Variants in UBA2 observed in about 807,000 individuals in gnomAD.
UBA2 encodes the protein SUMO-activating enzyme subunit 2.
UBA2 carries 11 observed loss-of-function variants against 77.2 expected under a neutral mutation model. That is an observed-to-expected ratio of 0.14 (90% CI 0.09 to 0.24). The LOEUF is 0.24. Among genes scored for constraint, UBA2 ranks in the 10% least tolerant of loss-of-function variants. The pLI is 1.00. For missense variants in UBA2, 487 were observed against 781.7 expected (o/e 0.62, Z 4.50); for synonymous variants, 278 against 276.7 (o/e 1.00, Z -0.05).
At chr19:34,431,234 A>ATTTTC (rs2075249909) in intron 2 of UBA2, among the ~76,000 whole-genome samples, 23 of 70,556 alleles carry the variant, frequency 3.3e-4, no homozygotes, top group Admixed American at 6.5e-4. Flanking sequence ...TTTTCCTATC[A>ATTTTC]TTTTCTTTTC....
chr19:34,460,622 C>G, intron 14 of UBA2, 56 bp downstream of exon 14: 1 of 1,246,804 alleles, frequency 8.0e-7, no homozygotes, highest in South Asian at 1.4e-5. Context: ...TTGAAGAGTG[C>G]ACATTAGTTG....
chr19:34,449,303 C>T (rs1256440896), intron 8 of UBA2, among the ~76,000 whole-genome samples: 1 of 139,774 alleles, frequency 7.2e-6, no homozygotes, highest in Non-Finnish European at 1.6e-5. Flanking sequence ...CTCTTGACTT[C>T]GTGATCCACC....
intron 15 of UBA2, 146 bp downstream of exon 15, chr19:34,464,277 C>A: frequency 1.7e-6 from 1 of 588,240 alleles, no homozygotes; most frequent in Admixed American, 3.0e-5. Flanking sequence ...TCACTGAGTT[C>A]CGTGATGTTT....
Position 34,434,984 on chromosome 19 carries a change from A to G in UBA2, c.459+16A>G, listed in dbSNP as rs2075293152. On this transcript the variant is annotated intron_variant, in intron 5 of 16. Coordinates refer to ENST00000246548, the MANE Select transcript of UBA2 (RefSeq NM_005499.3). Reference sequence around the variant, plus strand: ...TATCAAAAAGGTAAAGAAAAGTTTTATTTTTTTAACTTCCCAAATATTTAT... The same window carrying G: ...TATCAAAAAGGTAAAGAAAAGTTTTGTTTTTTTAACTTCCCAAATATTTAT... 1 of 1,535,330 alleles carries G rather than the reference A, an allele frequency of 6.5e-7. No homozygotes were observed. Among genetic ancestry groups the G allele is most frequent in the Non-Finnish European group, 8.9e-7 (1 of 1,123,900 alleles).
In UBA2 at chr19:34,457,178, AAATATATATATATATAT is replaced by A. The variant is rs1352229678; in HGVS notation, c.1246-1589_1246-1573del. ...ACCTGGTCTCTACTAAAAAAAAAAA[AAATATATATATATATAT>A]ATATATATATATATATATAAAATTA... On this transcript the variant is annotated intron_variant, in intron 12 of 16. Transcript: ENST00000246548. Among the ~76,000 whole-genome samples the A allele has an allele frequency of 2.3e-3, 204 of 89,742 alleles. 6 individuals are homozygous for A. The highest frequency in any genetic ancestry group is 0.01 in the African/African-American group (188 of 18,328). 58.9% of individuals were successfully genotyped at this position (89,742 alleles called of 152,430 possible). A position where few individuals can be genotyped will look rare whatever the true frequency, so the allele number is the denominator to read the frequency against.
intron 3 of UBA2, 95 bp from the exon 4 acceptor site, chr19:34,433,253 C>A: frequency 1.2e-6 from 1 of 849,732 alleles, no homozygotes; most frequent in Non-Finnish European, 1.9e-6. Context: ...GTTTTGTTTA[C>A]AGTTACTATG....
chr19:34,431,711 C>T (rs1346040265), intron 2 of UBA2, 150 bp from the exon 3 acceptor site: 2 of 667,062 alleles, frequency 3.0e-6, no homozygotes, highest in Admixed American at 2.6e-5. Context: ...TAGCTTAACC[C>T]TAATGCAATT....
intron 14 of UBA2, 78 bp downstream of exon 14, chr19:34,460,644 G>A (rs913992577): frequency 2.7e-5 from 28 of 1,046,196 alleles, no homozygotes; most frequent in Middle Eastern, 4.2e-4. Flanking sequence ...TTCATTTACT[G>A]TATGTGATAC....
At chr19:34,444,232 A>T (rs910677571) in intron 7 of UBA2, among the ~76,000 whole-genome samples, 3 of 151,618 alleles carry the variant, frequency 2.0e-5, no homozygotes, top group Non-Finnish European at 1.5e-5. Flanking sequence ...TAATTTTTGT[A>T]TATTTAGTAG....
chr19:34,469,874 G>A lies in UBA2; in HGVS notation c.*653G>A, dbSNP rs1273386722. ...ACTATACTTATGGACCAAATAAATG[G>A]CATCTGCATTCTTGTTACACATGCC... On this transcript the variant is annotated 3_prime_UTR_variant, in exon 17 of 17. Coordinates refer to ENST00000246548, the MANE Select transcript of UBA2 (RefSeq NM_005499.3). 6.6e-6 allele frequency: 1 copy of A among 152,464 alleles called. No homozygotes were observed. The allele number at this position is 152,464 out of a possible 1,614,324, so 9.4% of individuals were successfully genotyped here.
rs760350191 is a variant in UBA2 at position 34,466,891 on chromosome 19, A to G, written c.1618A>G (p.Lys540Glu). 1 of 1,612,910 alleles carries G rather than the reference A, an allele frequency of 6.2e-7. No homozygotes were observed. ...INILHSEDLG[K>E]DVEFEVVGDA... Reference sequence around the variant, plus strand: ...ATTCTCCTACAGTGAAGACCTAGGAAAGGACGTTGAATTTGAAGTTGTTGG... The same window carrying G: ...ATTCTCCTACAGTGAAGACCTAGGAGAGGACGTTGAATTTGAAGTTGTTGG... The change falls in exon 16 of 17, where the codon AAG becomes GAG. Residue 540 changes from lysine to glutamate, a missense_variant. By Grantham distance (56) the Lys-to-Glu change is moderately conservative. Around this residue, in one of 9 missense-constraint regions of UBA2, gnomAD observed 300 missense variants for 454.3 expected, o/e 0.66. Transcript: ENST00000246548.
intron 16 of UBA2, among the ~76,000 whole-genome samples, chr19:34,467,330 C>T (rs1252407439): frequency 1.3e-5 from 2 of 151,796 alleles, no homozygotes; most frequent in South Asian, 2.1e-4. Flanking sequence ...AAATTAACCA[C>T]GCATGGTAGC....
At chr19:34,451,536 G>GTTTTTTT (rs773178552) in intron 9 of UBA2, among the ~76,000 whole-genome samples, 4 of 62,944 alleles carry the variant, frequency 6.4e-5, no homozygotes, top group Non-Finnish European at 8.7e-5. Context: ...AGGTTTAACA[G>GTTTTTTT]TTTTTTTTTT....
At chr19:34,436,849 T>C (rs544773247) in intron 5 of UBA2, among the ~76,000 whole-genome samples, 5 of 152,344 alleles carry the variant, frequency 3.3e-5, no homozygotes, top group African/African-American at 1.2e-4. Context: ...TGGAACCTTA[T>C]TGAATACCAT....
intron 6 of UBA2, among the ~76,000 whole-genome samples, chr19:34,442,198 G>A (rs2075377844): frequency 6.6e-6 from 1 of 152,156 alleles, no homozygotes; most frequent in African/African-American, 2.4e-5. Flanking sequence ...TCACACCACT[G>A]CACACTAGCC....
chr19:34,456,100 C>CTTTTCTTTTTTTTTTTTTTTTTT (rs2075557152), intron 12 of UBA2, among the ~76,000 whole-genome samples: 5 of 55,780 alleles, frequency 9.0e-5, no homozygotes, highest in African/African-American at 1.4e-4. Context: ...TTTTCCTTTT[C>CTTTTCTTTTTTTTTTTTTTTTTT]TTTTTCTTTT....
intron 14 of UBA2, among the ~76,000 whole-genome samples, chr19:34,461,543 T>C (rs1374910386): frequency 6.6e-6 from 1 of 152,214 alleles, no homozygotes; most frequent in African/African-American, 2.4e-5. Flanking sequence ...TGCTGTCCCT[T>C]AGTTGTAGCC....
intron 5 of UBA2, among the ~76,000 whole-genome samples, chr19:34,435,517 A>C (rs967123012): frequency 6.6e-6 from 1 of 151,832 alleles, no homozygotes; most frequent in Non-Finnish European, 1.5e-5. Context: ...GGTAAGCATG[A>C]TATACCAGGC....
intron 15 of UBA2, 89 bp downstream of exon 15, chr19:34,464,220 A>G: frequency 1.1e-6 from 1 of 873,844 alleles, no homozygotes; most frequent in Non-Finnish European, 1.8e-6. Context: ...CTTATCCTTA[A>G]ACCCTGCTGT....
Sources: gnomAD v4.1 joint callset for allele counts (sites outside exome capture counted in the v4.1 genomes callset) on GRCh38, gnomAD v4.1.1 for gene constraint, gnomAD v4.1.1 regional missense constraint, MANE v1.5 for transcripts, NCBI Gene and HGNC (gene_info 2026-07-23, HGNC 2026-07-21) for gene names.